The following HPSE2 variants were observed in gnomAD, a reference collection of about 807,000 sequenced individuals.
The protein encoded by HPSE2 is inactive heparanase-2.
In HPSE2, 38 loss-of-function variants were observed where a neutral mutation model predicts 60.5. That is an observed-to-expected ratio of 0.63 (90% CI 0.48 to 0.82). The LOEUF (loss-of-function observed/expected upper bound fraction) is 0.82. HPSE2 is among the 40% of genes least tolerant of loss of function. The pLI is 0.00. For synonymous variants in HPSE2, 295 were observed against 293.2 expected (o/e 1.01, Z -0.06); for missense variants, 713 against 740.4 (o/e 0.96, Z 0.43).
intron 8 of HPSE2, among the ~76,000 whole-genome samples, chr10:98,616,442 G>A (rs1945911229): frequency 6.6e-6 from 1 of 152,112 alleles, no homozygotes; most frequent in South Asian, 2.1e-4. Flanking sequence ...TCAGCACACT[G>A]GGGAAAATTA....
intron 3 of HPSE2, among the ~76,000 whole-genome samples, chr10:99,110,640 C>T (rs11189971): frequency 0.16 from 24,603 of 151,892 alleles, 2,408 homozygotes; most frequent in Admixed American, 0.24. Context: ...TAAATCCTAA[C>T]GACAGAAGAA....
At chr10:98,960,701 C>CTTTTTTTTTTTATTTTTATTTTTA (rs1955634019) in intron 3 of HPSE2, among the ~76,000 whole-genome samples, 1 of 57,566 alleles carries the variant, frequency 1.7e-5, no homozygotes, top group Non-Finnish European at 3.1e-5. Flanking sequence ...ATGTACATTT[C>CTTTTTTTTTTTATTTTTATTTTTA]TTTTTTTTTT....
At chr10:98,531,013 C>A (rs12358472) in intron 9 of HPSE2, among the ~76,000 whole-genome samples, 42,043 of 152,034 alleles carry the variant, frequency 0.28, 6,221 homozygotes, top group East Asian at 0.48. Context: ...TTTCTTCCCT[C>A]AATATTAACT....
chr10:98,962,420 G>C (rs1358840872), intron 3 of HPSE2, among the ~76,000 whole-genome samples: 1 of 151,470 alleles, frequency 6.6e-6, no homozygotes, highest in Non-Finnish European at 1.5e-5. Flanking sequence ...TTATTTCCTT[G>C]AGCAGTGGTT....
chr10:98,855,181 G>A (rs528529509), intron 3 of HPSE2, among the ~76,000 whole-genome samples: 1 of 152,318 alleles, frequency 6.6e-6, no homozygotes, highest in African/African-American at 2.4e-5. Flanking sequence ...TCAGCTAAGA[G>A]GTCCAACATA....
chr10:98,949,314 T>C (rs577658424), intron 3 of HPSE2, among the ~76,000 whole-genome samples: 56 of 152,150 alleles, frequency 3.7e-4, no homozygotes, highest in African/African-American at 1.3e-3. Flanking sequence ...ATTGTTAATA[T>C]AGACCCTTAC....
At chr10:98,520,804 G>A (rs1302886508) in intron 9 of HPSE2, among the ~76,000 whole-genome samples, 2 of 152,118 alleles carry the variant, frequency 1.3e-5, no homozygotes, top group Admixed American at 6.5e-5. Flanking sequence ...CAGACCAAAT[G>A]GAACAGAACA....
intron 6 of HPSE2, among the ~76,000 whole-genome samples, chr10:98,671,960 C>T (rs936471659): frequency 2.6e-5 from 4 of 152,178 alleles, no homozygotes; most frequent in Non-Finnish European, 5.9e-5. Context: ...AAATTACCTA[C>T]ACAGAACAGG....
chr10:99,104,944 G>C (rs1050700170), intron 3 of HPSE2, among the ~76,000 whole-genome samples: 1 of 151,882 alleles, frequency 6.6e-6, no homozygotes, highest in African/African-American at 2.4e-5. Flanking sequence ...GATAGCATTA[G>C]GAGATATAAC....
chr10:98,639,662 A>G (rs1007139240), intron 7 of HPSE2, among the ~76,000 whole-genome samples: 2 of 152,204 alleles, frequency 1.3e-5, no homozygotes, highest in African/African-American at 4.8e-5. Flanking sequence ...AAGTTATTTC[A>G]GTTTTCAAAC....
intron 9 of HPSE2, among the ~76,000 whole-genome samples, chr10:98,518,634 G>A (rs574712472): frequency 6.6e-6 from 1 of 151,982 alleles, no homozygotes; most frequent in Admixed American, 6.6e-5. Context: ...TTGAACCCAG[G>A]AGATGGAGGT....
the HPSE2 span, among the ~76,000 whole-genome samples, chr10:99,249,231 C>T: frequency 2.0e-5 from 3 of 152,332 alleles, no homozygotes; most frequent in East Asian, 1.9e-4. Context: ...GCACTCAACA[C>T]CAGCCCTTGA....
Position 98,524,441 on chromosome 10 carries a change from A to G in HPSE2, c.1321-34245T>C, listed in dbSNP as rs1018389015. Among the ~76,000 whole-genome samples the G allele has an allele frequency of 9.8e-5, 11 of 111,914 alleles. No individual in the cohort carries two copies. The South Asian group carries it at 4.1e-3, about 42-fold the overall frequency. 73.4% of individuals were successfully genotyped at this position (111,914 alleles called of 152,430 possible). A position where few individuals can be genotyped will look rare whatever the true frequency, so the allele number is the denominator to read the frequency against. On this transcript the variant is annotated intron_variant, in intron 9 of 11. Coordinates refer to ENST00000370552, the MANE Select transcript of HPSE2 (RefSeq NM_021828.5). Reference sequence around the variant, plus strand: ...GAGAGGCCACACTTTCTTTCACCCCAGAACTTTTTTTGAATGCAGGAAGAA... The same window carrying G: ...GAGAGGCCACACTTTCTTTCACCCCGGAACTTTTTTTGAATGCAGGAAGAA...
chr10:99,118,837 T>G (rs1331450681), intron 3 of HPSE2, among the ~76,000 whole-genome samples: 1 of 151,832 alleles, frequency 6.6e-6, no homozygotes, highest in Non-Finnish European at 1.5e-5. Context: ...GCCAACATGA[T>G]GAAACCCTGT....
At chr10:98,604,286 T>C (rs1275995199) in intron 9 of HPSE2, among the ~76,000 whole-genome samples, 1 of 147,192 alleles carries the variant, frequency 6.8e-6, no homozygotes, top group Admixed American at 6.7e-5. Context: ...AGCAGAGAGA[T>C]GGATATCCTA....
chr10:98,844,269 C>T (rs1019357646), intron 3 of HPSE2, among the ~76,000 whole-genome samples: 1 of 152,084 alleles, frequency 6.6e-6, no homozygotes, highest in African/African-American at 2.4e-5. Context: ...GGAAGGCATC[C>T]GTAAGATTAA....
chr10:99,186,153 CAA>C (rs1219768147), intron 2 of HPSE2, among the ~76,000 whole-genome samples: 4 of 147,776 alleles, frequency 2.7e-5, no homozygotes, highest in African/African-American at 1.0e-4. Flanking sequence ...CACACACACA[CAA>C]GGCATATCAT....
At chr10:99,159,397 C>A (rs1195832650) in intron 2 of HPSE2, among the ~76,000 whole-genome samples, 1 of 152,068 alleles carries the variant, frequency 6.6e-6, no homozygotes, top group Admixed American at 6.6e-5. Flanking sequence ...GAGGTAGTTG[C>A]TTTTGCGTGG....
At chr10:98,946,155 A>G (rs1264180322) in intron 3 of HPSE2, among the ~76,000 whole-genome samples, 1 of 152,108 alleles carries the variant, frequency 6.6e-6, no homozygotes. Context: ...AATCTATTAT[A>G]GAAGGTTAAA....
Sources: allele counts gnomAD v4.1 joint callset (sites outside exome capture counted in the v4.1 genomes callset), GRCh38; gene constraint gnomAD v4.1.1; transcripts MANE v1.5; gene names NCBI Gene and HGNC (gene_info 2026-07-23, HGNC 2026-07-21).